FER1L6: variants seen among roughly 807,000 people sequenced by gnomAD.
FER1L6 encodes the protein fer-1-like protein 6.
Under a neutral mutation model 219.2 loss-of-function variants are expected in FER1L6, and 177 were observed. The observed-to-expected ratio is 0.81, with a 90% CI of 0.71 to 0.91. The LOEUF (loss-of-function observed/expected upper bound fraction) is 0.91. Ranked by LOEUF, FER1L6 falls within the 40% of genes least tolerant of loss-of-function variation. The pLI is 0.00. For synonymous variants in FER1L6, 768 were observed against 824.3 expected, an observed-to-expected ratio of 0.93 and a Z score of 1.17; for missense variants, 2,153 against 2,259.9, an observed-to-expected ratio of 0.95 and a Z score of 0.96.
At chr8:123,884,028 A>G (rs553368150) in intron 1 of FER1L6, among the ~76,000 whole-genome samples, 3 of 152,256 alleles carry the variant, frequency 2.0e-5, no homozygotes, top group Non-Finnish European at 2.9e-5. Flanking sequence ...CTCCTATGAC[A>G]TACATACACT....
At chr8:123,941,486 AG>A (rs1814239500) in intron 1 of FER1L6, among the ~76,000 whole-genome samples, 1 of 152,182 alleles carries the variant, frequency 6.6e-6, no homozygotes, top group South Asian at 2.1e-4. Flanking sequence ...AGCAAACCAC[AG>A]GGATGCAGTA....
intron 1 of FER1L6, among the ~76,000 whole-genome samples, chr8:123,951,568 C>T (rs1242924860): frequency 2.0e-5 from 3 of 152,124 alleles, no homozygotes; most frequent in Non-Finnish European, 2.9e-5. Context: ...AGATATTTCC[C>T]GTCAGGCTAC....
chr8:123,934,450 C>T (rs184408117), intron 1 of FER1L6, among the ~76,000 whole-genome samples: 24 of 152,202 alleles, frequency 1.6e-4, no homozygotes, highest in Admixed American at 1.6e-3. Flanking sequence ...AGAGAGTCAG[C>T]ATTGACATTT....
chr8:124,051,180 C>T (rs1048438904), intron 22 of FER1L6, among the ~76,000 whole-genome samples: 2 of 152,174 alleles, frequency 1.3e-5, no homozygotes, highest in African/African-American at 4.8e-5. Flanking sequence ...AGATACCAGT[C>T]ATGCCAGGTC....
intron 1 of FER1L6, among the ~76,000 whole-genome samples, chr8:123,872,814 GTA>G (rs1816947402): frequency 6.6e-6 from 1 of 152,180 alleles, no homozygotes; most frequent in South Asian, 2.1e-4. Flanking sequence ...GAGGTCCTCT[GTA>G]ATCTGACCAT....
chr8:123,961,914 A>G (rs1586521077), intron 2 of FER1L6, among the ~76,000 whole-genome samples: 1 of 123,780 alleles, frequency 8.1e-6, no homozygotes, highest in Non-Finnish European at 1.6e-5. Flanking sequence ...GGAGTCTTGG[A>G]GTCTCGCTCT....
intron 35 of FER1L6, among the ~76,000 whole-genome samples, 199 bp from the exon 36 acceptor site, chr8:124,097,072 G>GATATATATATATATATATATAT (rs565301549): frequency 7.5e-5 from 11 of 146,838 alleles, no homozygotes; most frequent in African/African-American, 2.8e-4. Flanking sequence ...AATTCCTAAA[G>GATATATATATATATATATATAT]ATATATATAT....
intron 1 of FER1L6, among the ~76,000 whole-genome samples, chr8:123,946,965 G>A (rs1814520942): frequency 6.6e-6 from 1 of 152,036 alleles, no homozygotes; most frequent in South Asian, 2.1e-4. Flanking sequence ...TTTTTTGAAT[G>A]ACTATAAGAG....
chr8:123,892,267 G>A (rs1345961295), intron 1 of FER1L6, among the ~76,000 whole-genome samples: 1 of 151,824 alleles, frequency 6.6e-6, no homozygotes, highest in Non-Finnish European at 1.5e-5. Flanking sequence ...GGGTAAATGG[G>A]AAAAAAGAGG....
intron 22 of FER1L6, among the ~76,000 whole-genome samples, chr8:124,057,513 T>A (rs1820357168): frequency 6.6e-6 from 1 of 152,226 alleles, no homozygotes; most frequent in Admixed American, 6.5e-5. Context: ...TAAATTAGTT[T>A]TGGAAAATTG....
intron 1 of FER1L6, among the ~76,000 whole-genome samples, chr8:123,904,578 C>A (rs1812918680): frequency 6.6e-6 from 1 of 152,090 alleles, no homozygotes; most frequent in African/African-American, 2.4e-5. Context: ...TTATTTGGGA[C>A]AATAATGACT....
chr8:123,945,620 T>G (rs1437910171), intron 1 of FER1L6, among the ~76,000 whole-genome samples: 3 of 152,252 alleles, frequency 2.0e-5, no homozygotes, highest in African/African-American at 7.2e-5. Context: ...GATTGGAAGC[T>G]CTTTGTGAGC....
chr8:124,009,763 G>A (rs1413403821), intron 13 of FER1L6, among the ~76,000 whole-genome samples: 1 of 152,060 alleles, frequency 6.6e-6, no homozygotes, highest in African/African-American at 2.4e-5. Context: ...GACCCAGCGA[G>A]GAGCCATGTT....
At chr8:123,926,777 G>A (rs1208512160) in intron 1 of FER1L6, among the ~76,000 whole-genome samples, 7 of 152,062 alleles carry the variant, frequency 4.6e-5, no homozygotes, top group African/African-American at 1.7e-4. Flanking sequence ...TTGATGTGAA[G>A]CTATTTATTG....
intron 20 of FER1L6, chr8:124,040,743 A>G (rs1408536849): frequency 6.6e-6 from 1 of 152,454 alleles, no homozygotes; most frequent in Admixed American, 6.5e-5. Context: ...GGGGTGGAGC[A>G]TGCTAATATG....
chr8:123,907,267 TCACA>T (rs1264875679), intron 1 of FER1L6, among the ~76,000 whole-genome samples: 1 of 152,156 alleles, frequency 6.6e-6, no homozygotes, highest in African/African-American at 2.4e-5. Flanking sequence ...GTACACATAC[TCACA>T]CACAAATCAT....
chr8:124,108,474 T>G (rs1822870564), intron 39 of FER1L6, among the ~76,000 whole-genome samples: 1 of 152,228 alleles, frequency 6.6e-6, no homozygotes, highest in South Asian at 2.1e-4. Flanking sequence ...GACCATTCCC[T>G]GTTCCCATCT....
Position 124,095,054 on chromosome 8 carries a change from A to G in FER1L6, c.4695+16A>G. Reference sequence around the variant, plus strand: ...AATGGAGCAGGTAGTGGGCAAGACTATTCTGGCCCTAAAAGTTAATCTTGT... The same window carrying G: ...AATGGAGCAGGTAGTGGGCAAGACTGTTCTGGCCCTAAAAGTTAATCTTGT... On this transcript the variant is annotated intron_variant, in intron 35 of 40. Coordinates refer to ENST00000522917, the MANE Select transcript of FER1L6 (RefSeq NM_001039112.2). The G allele has an allele frequency of 6.2e-7, 1 of 1,613,766 alleles. No individual in the cohort carries two copies. Among genetic ancestry groups the G allele is most frequent in the Non-Finnish European group, 8.5e-7 (1 of 1,179,822 alleles).
At chr8:123,896,915 C>G (rs763068241) in intron 1 of FER1L6, among the ~76,000 whole-genome samples, 74 of 152,220 alleles carry the variant, frequency 4.9e-4, no homozygotes, top group Non-Finnish European at 9.3e-4. Context: ...CTTAACTCGC[C>G]GAAGCCCATC....
Sources: allele counts gnomAD v4.1 joint callset (sites outside exome capture counted in the v4.1 genomes callset), GRCh38; gene constraint gnomAD v4.1.1; transcripts MANE v1.5; gene names NCBI Gene and HGNC (gene_info 2026-07-23, HGNC 2026-07-21).